Variants in XYLT1 observed in about 807,000 individuals in gnomAD.
XYLT1 encodes xylosyltransferase 1.
A neutral mutation model predicts 91.3 loss-of-function variants in XYLT1; 36 were observed. That is an observed-to-expected ratio of 0.39 (90% CI 0.30 to 0.52). XYLT1 has a LOEUF of 0.52. Among genes scored for constraint, XYLT1 ranks in the 20% least tolerant of loss-of-function variants. The pLI is 0.68. For missense variants in XYLT1, 1,242 were observed against 1,284.5 expected (o/e 0.97, Z 0.51); for synonymous variants, 588 against 532.0 (o/e 1.11, Z -1.45).
chr16:17,247,354 T>G (rs2141742850), intron 3 of XYLT1, among the ~76,000 whole-genome samples: 1 of 152,256 alleles, frequency 6.6e-6, no homozygotes, highest in South Asian at 2.1e-4. Flanking sequence ...GGGCAGCTAC[T>G]GGGCAAGAAC....
At chr16:17,419,403 G>A (rs1351012115) in intron 1 of XYLT1, among the ~76,000 whole-genome samples, 2 of 152,142 alleles carry the variant, frequency 1.3e-5, no homozygotes, top group Non-Finnish European at 2.9e-5. Context: ...ACATAGCTCA[G>A]GGGTCTCTAT....
At chr16:17,229,008 T>C (rs1351074646) in intron 3 of XYLT1, among the ~76,000 whole-genome samples, 2 of 152,176 alleles carry the variant, frequency 1.3e-5, no homozygotes, top group African/African-American at 4.8e-5. Context: ...CTCACTCTTT[T>C]GCCCAGGCTG....
At chr16:17,285,484 C>T (rs2034120823) in intron 2 of XYLT1, among the ~76,000 whole-genome samples, 2 of 152,174 alleles carry the variant, frequency 1.3e-5, no homozygotes, top group African/African-American at 4.8e-5. Flanking sequence ...GGCTTTGATC[C>T]TTCCTGCCCC....
intron 3 of XYLT1, among the ~76,000 whole-genome samples, chr16:17,201,371 A>C (rs2032538113): frequency 6.6e-6 from 1 of 152,208 alleles, no homozygotes; most frequent in Non-Finnish European, 1.5e-5. Flanking sequence ...GATTCTCCAT[A>C]GCCACAGTAT....
chr16:17,342,325 C>A (rs1339930516), intron 2 of XYLT1, among the ~76,000 whole-genome samples: 4 of 152,168 alleles, frequency 2.6e-5, no homozygotes, highest in African/African-American at 4.8e-5. Context: ...TTGTCTCCAC[C>A]AAAGGAAAAG....
At chr16:17,211,289 G>A (rs975642312) in intron 3 of XYLT1, among the ~76,000 whole-genome samples, 1 of 152,134 alleles carries the variant, frequency 6.6e-6, no homozygotes, top group Middle Eastern at 3.2e-3. Flanking sequence ...AAGGCAAAGG[G>A]CAGGGGGATA....
At chr16:17,257,357 C>T (rs145229884) in intron 3 of XYLT1, among the ~76,000 whole-genome samples, 67 of 152,286 alleles carry the variant, frequency 4.4e-4, no homozygotes, top group African/African-American at 1.5e-3. Flanking sequence ...AATCCACACC[C>T]GTTTATTTCA....
At chr16:17,425,214 C>A (rs1205447226) in intron 1 of XYLT1, among the ~76,000 whole-genome samples, 1 of 152,164 alleles carries the variant, frequency 6.6e-6, no homozygotes, top group Admixed American at 6.5e-5. Flanking sequence ...TTTTACTCAG[C>A]GCTTGCAATT....
chr16:17,152,228 T>C (rs544503258), intron 6 of XYLT1, among the ~76,000 whole-genome samples: 1 of 152,286 alleles, frequency 6.6e-6, no homozygotes, highest in Admixed American at 6.5e-5. Context: ...TGTGTATTGT[T>C]TGGAAAGAAG....
Position 17,200,442 on chromosome 16 carries a change from G to A in XYLT1, c.1086+40C>T, listed in dbSNP as rs377725115. 22 of 1,593,738 alleles carry A rather than the reference G, an allele frequency of 1.4e-5. No individual in the cohort carries two copies. In the African/African-American group the frequency reaches 1.5e-4, roughly 11 times the overall value. On this transcript the variant is annotated intron_variant, in intron 4 of 11. Transcript: ENST00000261381. ...TATCAGGGAGGGACGGACAGACCCC[G>A]AAGAAAGCCCAGCAAGGGGTGATCA...
At chr16:17,357,378 TGGAATTCCACCTGGCTCTGTTGAACTC>T (rs2035316991) in intron 2 of XYLT1, among the ~76,000 whole-genome samples, 9 of 151,800 alleles carry the variant, frequency 5.9e-5, no homozygotes, top group African/African-American at 2.2e-4. Flanking sequence ...GACACAGAGG[TGGAATTCCACCTGGCTCTGTTGAACTC>T]CAAGGCCTAT....
chr16:17,374,745 C>G (rs746150634), intron 1 of XYLT1, among the ~76,000 whole-genome samples: 12 of 151,488 alleles, frequency 7.9e-5, no homozygotes, highest in Non-Finnish European at 1.6e-4. Flanking sequence ...GGTTAGAAAA[C>G]ATCAATTTGC....
chr16:17,426,173 G>A (rs2036316163), intron 1 of XYLT1, among the ~76,000 whole-genome samples: 1 of 152,046 alleles, frequency 6.6e-6, no homozygotes, highest in South Asian at 2.1e-4. Context: ...GTCCTCATGG[G>A]GTTTATGTTC....
chr16:17,448,339 T>C (rs1018915493), intron 1 of XYLT1, among the ~76,000 whole-genome samples: 44 of 152,304 alleles, frequency 2.9e-4, no homozygotes, highest in African/African-American at 9.9e-4. Flanking sequence ...CACTCCAGCC[T>C]GGGCGCAGAC....
intron 2 of XYLT1, among the ~76,000 whole-genome samples, chr16:17,295,717 A>G (rs2034299879): frequency 6.6e-6 from 1 of 152,136 alleles, no homozygotes; most frequent in South Asian, 2.1e-4. Flanking sequence ...CCATGTCTGG[A>G]GACATTTTTG....
At chr16:17,353,692 T>C (rs1182824273) in intron 2 of XYLT1, among the ~76,000 whole-genome samples, 1 of 143,236 alleles carries the variant, frequency 7.0e-6, no homozygotes, top group Non-Finnish European at 1.5e-5. Flanking sequence ...CATCTGTGGA[T>C]AGTTGTGCTA....
Position 17,106,402 on chromosome 16 carries a change from G to A in XYLT1, c.*2293C>T, listed in dbSNP as rs929848618. On this transcript the variant is annotated 3_prime_UTR_variant, in exon 12 of 12. Coordinates refer to ENST00000261381, the MANE Select transcript of XYLT1 (RefSeq NM_022166.4). ...GCACCCAGCGCGTGGCCACCATAGA[G>A]TCTGTAAAAGAGATCATAGGGGCTT... 3 of 152,178 alleles carry A rather than the reference G, an allele frequency of 2.0e-5. No individual in the cohort carries two copies. Among genetic ancestry groups the A allele is most frequent in the African/African-American group, 7.2e-5 (3 of 41,432 alleles). The allele number at this position is 152,178 out of a possible 1,614,324, so 9.4% of individuals were successfully genotyped here.
At chr16:17,147,745 T>A (rs1031401502) in intron 6 of XYLT1, among the ~76,000 whole-genome samples, 3 of 150,642 alleles carry the variant, frequency 2.0e-5, no homozygotes, top group African/African-American at 7.5e-5. Flanking sequence ...GCATCAGCTG[T>A]TTGGGCAGGG....
At chr16:17,358,124 T>A in intron 1 of XYLT1, 74 bp from the exon 2 acceptor site, 2 of 1,466,142 alleles carry the variant, frequency 1.4e-6, no homozygotes, top group African/African-American at 1.5e-5. Flanking sequence ...TCTTTTTCTT[T>A]CTTTCCTTTT....
Sources: gnomAD v4.1 joint callset for allele counts (sites outside exome capture counted in the v4.1 genomes callset) on GRCh38, gnomAD v4.1.1 for gene constraint, MANE v1.5 for transcripts, NCBI Gene and HGNC (gene_info 2026-07-23, HGNC 2026-07-21) for gene names.